The following CTDP1 variants were observed in gnomAD, a reference collection of about 807,000 sequenced individuals.
CTDP1 encodes RNA polymerase II subunit A C-terminal domain phosphatase.
CTDP1 carries 47 observed loss-of-function variants against 91.8 expected under a neutral mutation model. That is an observed-to-expected ratio of 0.51 (90% CI 0.41 to 0.65). The LOEUF (loss-of-function observed/expected upper bound fraction) is 0.65. Among genes scored for constraint, CTDP1 ranks in the 30% least tolerant of loss-of-function variants. The pLI is 0.00. For synonymous variants in CTDP1, 656 were observed against 598.5 expected (o/e 1.10, Z -1.40); for missense variants, 1,272 against 1,373.7 (o/e 0.93, Z 1.17).
At position 79,732,776 on chromosome 18, in the gene CTDP1, A is replaced by G. The variant is rs540707038; in HGVS notation, c.2581-3579A>G. Among the ~76,000 whole-genome samples the G allele has an allele frequency of 2.0e-5, 3 of 151,524 alleles. No homozygotes were observed. The South Asian group carries it at 6.3e-4, about 32-fold the overall frequency. ...TGTCACCAGGAGTGCTCCCAAAATC[A>G]TGTGAGACGTAAGAACTCCCTAACA... is the stretch of plus-strand genomic sequence containing the variant. On this transcript the variant is annotated intron_variant, in intron 11 of 12. Coordinates refer to ENST00000613122, the MANE Select transcript of CTDP1 (RefSeq NM_004715.5).
intron 4 of CTDP1, among the ~76,000 whole-genome samples, chr18:79,701,512 A>G (rs1383935119): frequency 7.4e-6 from 1 of 135,574 alleles, no homozygotes; most frequent in Non-Finnish European, 1.5e-5. Context: ...TCCATCTCAA[A>G]AAAAATAATA....
intron 11 of CTDP1, among the ~76,000 whole-genome samples, chr18:79,732,942 G>A (rs1034967592): frequency 3.9e-5 from 6 of 152,224 alleles, no homozygotes; most frequent in Non-Finnish European, 7.3e-5. Flanking sequence ...CTCACCATGA[G>A]TGCTCCCAAA....
intron 1 of CTDP1, among the ~76,000 whole-genome samples, chr18:79,683,953 G>A (rs1467803222): frequency 6.6e-6 from 1 of 152,210 alleles, no homozygotes; most frequent in Non-Finnish European, 1.5e-5. Flanking sequence ...CCTTTATCTT[G>A]ATCCTTTCAC....
At position 79,753,915 on chromosome 18, in the gene CTDP1, C is replaced by A. The variant is rs754335363; in HGVS notation, c.*125C>A. The A allele has an allele frequency of 7.8e-7, 1 of 1,277,692 alleles. No homozygotes were observed. The highest frequency in any genetic ancestry group is 1.1e-6 in the Non-Finnish European group (1 of 914,420). 79.1% of individuals were successfully genotyped at this position (1,277,692 alleles called of 1,614,324 possible). On this transcript the variant is annotated 3_prime_UTR_variant, in exon 13 of 13. Transcript: ENST00000613122. ...AAAGGACATGTATATTTGCAGAGCT[C>A]CACATACAGAAACACATTATTTTGC...
chr18:79,749,375 C>T (rs1165110050), intron 12 of CTDP1, among the ~76,000 whole-genome samples: 3 of 151,960 alleles, frequency 2.0e-5, no homozygotes, highest in Admixed American at 6.6e-5. Context: ...AACCCAGCGT[C>T]GCTGTGAGGG....
Position 79,698,019 on chromosome 18 carries a change from C to G in CTDP1, c.621+31C>G, listed in dbSNP as rs144381814. ...TGCAGTCAGCATCTACGGACAGTTT[C>G]CCAGGAACCGCGGGTCCTAGAATTT... On this transcript the variant is annotated intron_variant, in intron 4 of 12. Coordinates refer to ENST00000613122, the MANE Select transcript of CTDP1 (RefSeq NM_004715.5). 2.0e-3 allele frequency: 3,299 copies of G among 1,613,834 alleles called. 6 individuals carry two copies. Among genetic ancestry groups the G allele is most frequent in the Non-Finnish European group, 2.6e-3 (3,015 of 1,179,844 alleles).
chr18:79,734,295 T>C (rs2086624464), intron 11 of CTDP1, among the ~76,000 whole-genome samples: 1 of 152,242 alleles, frequency 6.6e-6, no homozygotes, highest in Non-Finnish European at 1.5e-5. Context: ...TGAAGAAAAC[T>C]GTTTTTCAGA....
intron 12 of CTDP1, among the ~76,000 whole-genome samples, chr18:79,746,365 CAT>C (rs2086882400): frequency 6.9e-6 from 1 of 145,930 alleles, no homozygotes; most frequent in African/African-American, 2.6e-5. Context: ...GCGTCCCTCC[CAT>C]GCGCGTTCTG....
intron 12 of CTDP1, among the ~76,000 whole-genome samples, chr18:79,746,267 G>C (rs55790703): frequency 0.098 from 796 of 8,148 alleles, 2 homozygotes; most frequent in Admixed American, 0.13. Flanking sequence ...CGCGTTCTGT[G>C]CCCGCGTCCC....
rs147521315 is a variant in CTDP1, at chr18:79,696,197, A to G, written c.492+127A>G. The G allele has an allele frequency of 5.8e-3, 4,657 of 801,124 alleles. 20 individuals carry two copies. Among genetic ancestry groups the G allele is most frequent in the Non-Finnish European group, 7.2e-3 (3,446 of 476,542 alleles). 49.6% of individuals were successfully genotyped at this position (801,124 alleles called of 1,614,324 possible). Reference sequence around the variant, plus strand: ...ATCGTCGTTACTGAAACAACCCCTCATCACACGGATGACTTATGGGACTGC... The same window carrying G: ...ATCGTCGTTACTGAAACAACCCCTCGTCACACGGATGACTTATGGGACTGC... On this transcript the variant is annotated intron_variant, in intron 3 of 12. Transcript: ENST00000613122.
chr18:79,728,838 C>A, intron 10 of CTDP1, 69 bp from the exon 11 acceptor site: 2 of 1,507,048 alleles, frequency 1.3e-6, no homozygotes, highest in South Asian at 2.3e-5. Flanking sequence ...AGCCAGGAGT[C>A]TGATTCGGTG....
At chr18:79,733,806 C>A (rs1326632708) in intron 11 of CTDP1, among the ~76,000 whole-genome samples, 1 of 152,134 alleles carries the variant, frequency 6.6e-6, no homozygotes, top group African/African-American at 2.4e-5. Flanking sequence ...CAGGGTCGTG[C>A]AAGGAGGTTG....
chr18:79,725,680 C>A (rs1348832835), intron 10 of CTDP1, among the ~76,000 whole-genome samples: 1 of 152,078 alleles, frequency 6.6e-6, no homozygotes, highest in African/African-American at 2.4e-5. Flanking sequence ...TCCGTCCTCA[C>A]GGGAGGTTCC....
intron 1 of CTDP1, among the ~76,000 whole-genome samples, chr18:79,682,256 T>C (rs2085388676): frequency 6.6e-6 from 1 of 152,248 alleles, no homozygotes; most frequent in East Asian, 1.9e-4. Flanking sequence ...CCAAAATGCC[T>C]GCTGCACCTT....
intron 10 of CTDP1, among the ~76,000 whole-genome samples, chr18:79,721,067 C>T (rs2086335163): frequency 6.6e-6 from 1 of 152,198 alleles, no homozygotes; most frequent in Non-Finnish European, 1.5e-5. Flanking sequence ...TGGAAGCTCT[C>T]CGTCCTTTCA....
At chr18:79,740,372 G>A (rs1040984732) in intron 12 of CTDP1, among the ~76,000 whole-genome samples, 2 of 152,202 alleles carry the variant, frequency 1.3e-5, no homozygotes, top group African/African-American at 4.8e-5. Context: ...TGTGACTCTT[G>A]GACTTTGGGG....
At chr18:79,736,147 T>TG in intron 11 of CTDP1, 1 of 640,390 alleles carries the variant, frequency 1.6e-6, no homozygotes, top group South Asian at 1.9e-5. Flanking sequence ...CGACTGGGTT[T>TG]GCTCTGTGGA....
At chr18:79,750,167 C>A (rs2086967688) in intron 12 of CTDP1, among the ~76,000 whole-genome samples, 1 of 151,928 alleles carries the variant, frequency 6.6e-6, no homozygotes, top group Non-Finnish European at 1.5e-5. Flanking sequence ...AGCAGGTGCA[C>A]AGAAAAGGTG....
chr18:79,721,049 G>A (rs1318053893), intron 10 of CTDP1, among the ~76,000 whole-genome samples: 1 of 152,198 alleles, frequency 6.6e-6, no homozygotes, highest in Non-Finnish European at 1.5e-5. Flanking sequence ...AGCATGGCAC[G>A]TGCCCTCTGG....
Sources: gnomAD v4.1 joint callset for allele counts (sites outside exome capture counted in the v4.1 genomes callset) on GRCh38, gnomAD v4.1.1 for gene constraint, MANE v1.5 for transcripts, NCBI Gene and HGNC (gene_info 2026-07-23, HGNC 2026-07-21) for gene names.